Variants in PCDHGB6 observed in about 807,000 individuals in gnomAD.
PCDHGB6 encodes the protein protocadherin gamma-B6.
PCDHGB6 carries 51 observed loss-of-function variants against 59.1 expected under a neutral mutation model. The observed-to-expected ratio is 0.86, with a 90% confidence interval of 0.69 to 1.09. The LOEUF (loss-of-function observed/expected upper bound fraction) is 1.09, where lower values mean the gene tolerates loss of function less well. Ranked by LOEUF, PCDHGB6 falls within the 50% of genes least tolerant of loss-of-function variation. PCDHGB6 has a pLI of 0.00. For synonymous variants in PCDHGB6, 466 were observed against 495.1 expected (o/e 0.94, Z 0.78); for missense variants, 1,148 against 1,205.1 (o/e 0.95, Z 0.70).
intron 3 of PCDHGB6, 110 bp downstream of exon 3, chr5:141,505,591 G>T: frequency 6.4e-7 from 1 of 1,570,280 alleles, no homozygotes; most frequent in Non-Finnish European, 8.7e-7. Flanking sequence ...AGTTTCTCCA[G>T]ATCTTTCGGC....
At chr5:141,415,438 C>A in intron 1 of PCDHGB6, 1 of 1,614,218 alleles carries the variant, frequency 6.2e-7, no homozygotes, top group South Asian at 1.1e-5. Flanking sequence ...GGCTTTCCTG[C>A]AGACCTATTC....
rs751563833 is a variant in PCDHGB6 at position 141,421,382 on chromosome 5, A to T, written c.2418+10762A>T. 5.6e-6 allele frequency: 9 copies of T among 1,613,906 alleles called. No homozygotes were observed. The South Asian group carries it at 8.8e-5, about 16-fold the overall frequency. ...TCCTTCGTGGGCAATATCTCCAAGG[A>T]CCTGGGGCTGGAGCCCCGGGAGCTG... On this transcript the variant is annotated intron_variant, in intron 1 of 3. Transcript: ENST00000520790.
At chr5:141,453,909 T>C (rs1484310834) in intron 1 of PCDHGB6, among the ~76,000 whole-genome samples, 1 of 152,236 alleles carries the variant, frequency 6.6e-6, no homozygotes, top group Non-Finnish European at 1.5e-5. Flanking sequence ...TTTCAAAGTA[T>C]GTCAGTGATC....
chr5:141,502,126 A>C (rs2154593060), intron 2 of PCDHGB6, among the ~76,000 whole-genome samples: 1 of 152,252 alleles, frequency 6.6e-6, no homozygotes, highest in South Asian at 2.1e-4. Flanking sequence ...AGGCCCACAG[A>C]GCTCAGTCGG....
At position 141,491,798 on chromosome 5, in the gene PCDHGB6, G is replaced by A. The variant is rs1269524283; in HGVS notation, c.2419-3009G>A. 1 of 1,506,648 alleles carries A rather than the reference G, an allele frequency of 6.6e-7. No homozygotes were observed. The highest frequency in any genetic ancestry group is 8.9e-7 in the Non-Finnish European group (1 of 1,128,050). The allele number at this position is 1,506,648 out of a possible 1,614,324, so 93.3% of individuals were successfully genotyped here. ...TTGAACTTGCATCCACTCCTCTCCG[G>A]CCGGCTTGGTCGCTGGCTGCGCTCC... On this transcript the variant is annotated intron_variant, in intron 1 of 3. Coordinates refer to ENST00000520790, the MANE Select transcript of PCDHGB6 (RefSeq NM_018926.3). This position sits in a 1 kb window ranked among gnomAD's most constrained non-coding sequence, Gnocchi z 6.9.
chr5:141,409,041 A>G lies in PCDHGB6; in HGVS notation c.839A>G (p.Tyr280Cys), dbSNP rs981171621. Residue 280 changes from tyrosine to cysteine, a missense_variant, in exon 1 of 4, where the codon TAC becomes TGC. Around this residue, in one of 5 missense-constraint regions of PCDHGB6, gnomAD observed 549 missense variants for 527.5 expected, o/e 1.04. Coordinates refer to ENST00000520790, the MANE Select transcript of PCDHGB6 (RefSeq NM_018926.3). ...DEGVNAEINY[Y>C]FRSTAQSTKH... ...GGGGTCAATGCTGAGATAAACTACT[A>G]CTTCCGAAGCACTGCCCAGAGCACA... The G allele has an allele frequency of 8.7e-6, 14 of 1,613,864 alleles. No homozygotes were observed. Among genetic ancestry groups the G allele is most frequent in the Non-Finnish European group, 7.6e-6 (9 of 1,179,894 alleles).
intron 1 of PCDHGB6, among the ~76,000 whole-genome samples, chr5:141,445,711 G>A (rs978623618): frequency 1.3e-5 from 2 of 152,202 alleles, no homozygotes; most frequent in African/African-American, 4.8e-5. Context: ...TTGTCAGGCA[G>A]AGGAAATAGC....
rs2099068970 is a variant in PCDHGB6 at position 141,463,759 on chromosome 5, T to C, written c.2419-31048T>C. 2.0e-5 allele frequency among the ~76,000 whole-genome samples: 3 copies of C among 152,234 alleles called. No homozygotes were observed. The South Asian group carries it at 6.2e-4, about 32-fold the overall frequency. ...CCGCGCCCGGCCTGCTTCTCTTCTCTTATGGGTTAGAATCCTGCACTGTCT... is the reference window on the plus strand; with the variant it reads ...CCGCGCCCGGCCTGCTTCTCTTCTCCTATGGGTTAGAATCCTGCACTGTCT... On this transcript the variant is annotated intron_variant, in intron 1 of 3. Transcript: ENST00000520790.
rs9324852 is a variant in PCDHGB6, at chr5:141,510,333, C to T, written c.2567-614C>T. On this transcript the variant is annotated intron_variant, in intron 3 of 3. Coordinates refer to ENST00000520790, the MANE Select transcript of PCDHGB6 (RefSeq NM_018926.3). ...AGGCTTGGAAGAGCACTCTTCACCC[C>T]CACCCCACACACTTACTAACGGAAC... Among the ~76,000 whole-genome samples the T allele has an allele frequency of 2.4e-3, 367 of 151,698 alleles. 1 individual carries two copies. Among genetic ancestry groups the T allele is most frequent in the African/African-American group, 8.4e-3 (348 of 41,384 alleles).
At chr5:141,484,866 C>T in intron 1 of PCDHGB6, 1 of 275,618 alleles carries the variant, frequency 3.6e-6, no homozygotes, top group Non-Finnish European at 6.8e-6. Flanking sequence ...GGTGGGGGAG[C>T]GTGGAGGATA....
At chr5:141,449,726 TTTTTTATGACATGATTA>T (rs2098653732) in intron 1 of PCDHGB6, among the ~76,000 whole-genome samples, 1 of 151,792 alleles carries the variant, frequency 6.6e-6, no homozygotes, top group Admixed American at 6.6e-5. Flanking sequence ...ATGATATGAT[TTTTTTATGACATGATTA>T]TTTTTATGAC....
At chr5:141,421,225 G>A in intron 1 of PCDHGB6, 1 of 1,584,302 alleles carries the variant, frequency 6.3e-7, no homozygotes. Flanking sequence ...CTTAGAGCCT[G>A]CCATGGCGAA....
intron 3 of PCDHGB6, 85 bp from the exon 4 acceptor site, chr5:141,510,862 C>A: frequency 6.2e-7 from 1 of 1,606,772 alleles, no homozygotes. Context: ...GCTGTATAGG[C>A]ATTCATTAAC....
intron 1 of PCDHGB6, among the ~76,000 whole-genome samples, chr5:141,479,060 T>G (rs980468382): frequency 5.9e-5 from 9 of 152,248 alleles, no homozygotes; most frequent in Non-Finnish European, 1.3e-4. Context: ...CAGATAATTT[T>G]TTATGAATGA....
chr5:141,503,912 A>AAC (rs34419983), intron 2 of PCDHGB6, among the ~76,000 whole-genome samples: 3 of 152,280 alleles, frequency 2.0e-5, no homozygotes, highest in East Asian at 3.9e-4. Context: ...CACACAACGC[A>AAC]ACACACACAC....
At chr5:141,426,667 A>G in intron 1 of PCDHGB6, 2 of 430,860 alleles carry the variant, frequency 4.6e-6, no homozygotes, top group Non-Finnish European at 9.5e-6. Context: ...ATAAATGATA[A>G]CCCACCTCAT....
intron 1 of PCDHGB6, among the ~76,000 whole-genome samples, chr5:141,473,915 A>G (rs1366378437): frequency 3.3e-5 from 5 of 152,162 alleles, no homozygotes; most frequent in Non-Finnish European, 5.9e-5. Flanking sequence ...GTCTTAAGAA[A>G]ACTATGAGCT....
intron 1 of PCDHGB6, chr5:141,419,377 C>A (rs2096371335): frequency 6.2e-7 from 1 of 1,613,572 alleles, no homozygotes; most frequent in African/African-American, 1.3e-5. Flanking sequence ...CCTACGTGTC[C>A]GTGAGCGCGC....
chr5:141,483,445 C>T (rs1332037230), intron 1 of PCDHGB6, among the ~76,000 whole-genome samples: 1 of 152,106 alleles, frequency 6.6e-6, no homozygotes, highest in Admixed American at 6.5e-5. Context: ...ACAATAAAAT[C>T]ATCAGGACTT....
Sources: allele counts gnomAD v4.1 joint callset (sites outside exome capture counted in the v4.1 genomes callset), GRCh38; gene constraint gnomAD v4.1.1; regional missense constraint gnomAD v4.1.1; non-coding constraint Gnocchi (gnomAD v3.1); transcripts MANE v1.5; gene names NCBI Gene and HGNC (gene_info 2026-07-23, HGNC 2026-07-21).